The following LRP1B variants were observed in gnomAD, a reference collection of about 807,000 sequenced individuals.
LRP1B encodes the protein LDL receptor related protein 1B.
In LRP1B, 217 loss-of-function variants were observed where a neutral mutation model predicts 556.6. That is an observed-to-expected ratio of 0.39 (90% CI 0.35 to 0.44). The LOEUF (loss-of-function observed/expected upper bound fraction) is 0.44. Among genes scored for constraint, LRP1B ranks in the 20% least tolerant of loss-of-function variants. The pLI, the probability that LRP1B is intolerant of heterozygous loss-of-function variation, is 1.00. For synonymous variants in LRP1B, 2,047 were observed against 1,865.8 expected (o/e 1.10, Z -2.50); for missense variants, 5,053 against 5,620.8 (o/e 0.90, Z 3.23).
At chr2:140,717,293 T>G (rs1687247039) in intron 35 of LRP1B, among the ~76,000 whole-genome samples, 1 of 152,034 alleles carries the variant, frequency 6.6e-6, no homozygotes, top group African/African-American at 2.4e-5. Flanking sequence ...TAAGAGCATT[T>G]CAATTATATC....
chr2:140,900,520 T>G (rs771446600), intron 23 of LRP1B, among the ~76,000 whole-genome samples: 3 of 152,114 alleles, frequency 2.0e-5, no homozygotes, highest in Non-Finnish European at 2.9e-5. Flanking sequence ...ATTTTAATGG[T>G]CAGAAGAAAA....
At chr2:141,012,917 T>C (rs1488433275) in intron 14 of LRP1B, among the ~76,000 whole-genome samples, 2 of 151,914 alleles carry the variant, frequency 1.3e-5, no homozygotes, top group Non-Finnish European at 2.9e-5. Flanking sequence ...TACCACATAA[T>C]TTACTAAACT....
intron 43 of LRP1B, among the ~76,000 whole-genome samples, chr2:140,576,968 C>A (rs1039772789): frequency 3.3e-5 from 5 of 151,902 alleles, no homozygotes; most frequent in African/African-American, 7.3e-5. Flanking sequence ...TAAACTGATT[C>A]CTTTTTTTTC....
At chr2:141,657,583 T>TTC (rs1160181073) in intron 2 of LRP1B, among the ~76,000 whole-genome samples, 1 of 150,114 alleles carries the variant, frequency 6.7e-6, no homozygotes, top group Non-Finnish European at 1.5e-5. Context: ...AATTATACAT[T>TTC]TCTCTTTTTT....
At chr2:140,933,051 C>T (rs947893116) in intron 20 of LRP1B, among the ~76,000 whole-genome samples, 31 of 146,232 alleles carry the variant, frequency 2.1e-4, no homozygotes, top group African/African-American at 7.3e-4. Context: ...TGCTTTTAGG[C>T]ATCAAAGTTA....
chr2:140,586,533 G>A (rs1681993331), intron 43 of LRP1B: 1 of 152,328 alleles, frequency 6.6e-6, no homozygotes, highest in Non-Finnish European at 1.5e-5. Context: ...TCTCTGCTGA[G>A]GTGGTGTCAG....
intron 2 of LRP1B, among the ~76,000 whole-genome samples, chr2:141,604,897 TG>T (rs1166988932): frequency 6.6e-6 from 1 of 152,010 alleles, no homozygotes; most frequent in Non-Finnish European, 1.5e-5. Context: ...GACAAGAACT[TG>T]GGAACCCTGG....
At chr2:140,872,270 C>T (rs1693159279) in intron 25 of LRP1B, among the ~76,000 whole-genome samples, 1 of 149,626 alleles carries the variant, frequency 6.7e-6, no homozygotes, top group South Asian at 2.1e-4. Context: ...TCGGGGAAAA[C>T]CGTCTGTTTT....
intron 41 of LRP1B, among the ~76,000 whole-genome samples, chr2:140,679,758 TG>T (rs143559225): frequency 0.012 from 1,770 of 151,832 alleles, 31 homozygotes; most frequent in African/African-American, 0.041. Context: ...GGCTAGAATG[TG>T]GAATCAAACC....
chr2:141,003,759 T>G (rs902093835), intron 15 of LRP1B, among the ~76,000 whole-genome samples: 2 of 151,994 alleles, frequency 1.3e-5, no homozygotes, highest in Non-Finnish European at 1.5e-5. Context: ...CTAATGCAGA[T>G]AGTAATAGTA....
rs368579378 is a variant in LRP1B, at chr2:141,534,298, T to C, written c.206-53765A>G. ...TCATTTATGAGGGGCATTAGCTACATTGAAAATTATTTTAAAGCATATGGA... is the reference window on the plus strand; with the variant it reads ...TCATTTATGAGGGGCATTAGCTACACTGAAAATTATTTTAAAGCATATGGA... On this transcript the variant is annotated intron_variant, in intron 2 of 90. Transcript: ENST00000389484. Among the ~76,000 whole-genome samples the C allele has an allele frequency of 5.3e-5, 8 of 152,182 alleles. No homozygotes were observed. In the East Asian group the frequency reaches 7.7e-4, roughly 15 times the overall value.
chr2:141,516,029 C>T (rs1190638144), intron 2 of LRP1B, among the ~76,000 whole-genome samples: 1 of 152,142 alleles, frequency 6.6e-6, no homozygotes, highest in Non-Finnish European at 1.5e-5. Flanking sequence ...AGACAGAAGA[C>T]AATTCAGGGC....
rs776033501 is a variant in LRP1B at position 140,701,840 on chromosome 2, T to C, written c.6308A>G (p.His2103Arg). The change falls in exon 40 of 91, where the codon CAT (histidine) becomes CGT (arginine). Residue 2103 changes from histidine (H) to arginine (R), a missense_variant. This residue lies in a region of LRP1B where 3,619 missense variants were observed against 3,931.9 expected (regional missense o/e 0.92). Coordinates refer to ENST00000389484, the MANE Select transcript of LRP1B (RefSeq NM_018557.3). ...GCCCCTTCTGACAGACCCGTTTGCA[T>C]GTGCTCTGCCAAAAAGTTGAACATA... ...GAYIYWSDRA[H>R]ANGSVRRGHK... 1.2e-6 allele frequency: 2 copies of C among 1,612,910 alleles called. No individual in the cohort carries two copies. Among genetic ancestry groups the C allele is most frequent in the Non-Finnish European group, 8.5e-7 (1 of 1,179,284 alleles).
At chr2:140,376,594 CTTTTA>C (rs1232633964) in intron 68 of LRP1B, among the ~76,000 whole-genome samples, 8 of 151,940 alleles carry the variant, frequency 5.3e-5, no homozygotes, top group Non-Finnish European at 7.4e-5. Context: ...AATGTTTTGA[CTTTTA>C]TTTTGTGAAG....
intron 67 of LRP1B, among the ~76,000 whole-genome samples, chr2:140,380,217 T>C (rs1025993709): frequency 2.9e-4 from 44 of 152,092 alleles, no homozygotes; most frequent in African/African-American, 1.0e-3. Context: ...AGCTATTAAT[T>C]GAACTTGAAT....
intron 2 of LRP1B, among the ~76,000 whole-genome samples, chr2:141,630,484 G>T (rs1268103258): frequency 2.0e-5 from 3 of 152,138 alleles, no homozygotes; most frequent in Admixed American, 6.5e-5. Context: ...CTTTCATGAA[G>T]GTTTTTAAAA....
chr2:141,010,246 A>T (rs527996517), intron 14 of LRP1B, among the ~76,000 whole-genome samples: 1 of 152,072 alleles, frequency 6.6e-6, no homozygotes, highest in Non-Finnish European at 1.5e-5. Flanking sequence ...AATAAAAAGG[A>T]AAGTCTGTTA....
intron 2 of LRP1B, among the ~76,000 whole-genome samples, chr2:141,483,217 GTT>G (rs566001772): frequency 6.8e-6 from 1 of 148,080 alleles, no homozygotes; most frequent in African/African-American, 2.5e-5. Flanking sequence ...GCGGTGTTTG[GTT>G]TTTTGTCCTT....
In LRP1B at chr2:140,231,878, TTTAAAGATATTTGTATAAAAATGCTATCC is replaced by T. The variant is rs1263614746; in HGVS notation, c.*1279_*1307del. On this transcript the variant is annotated 3_prime_UTR_variant, in exon 91 of 91. Transcript: ENST00000389484. ...AACTTGTGAATAAATCTTTTGTGCC[TTTAAAGATATTTGTATAAAAATGCTATCC>T]TTTTATTTTTATATACAACTTAAAT... 1 of 151,826 alleles carries T rather than the reference TTTAAAGATATTTGTATAAAAATGCTATCC, an allele frequency of 6.6e-6. No individual in the cohort carries two copies. The highest frequency in any genetic ancestry group is 1.5e-5 in the Non-Finnish European group (1 of 67,592). 9.4% of individuals were successfully genotyped at this position (151,826 alleles called of 1,614,324 possible).
Sources: gnomAD v4.1 joint callset for allele counts (sites outside exome capture counted in the v4.1 genomes callset) on GRCh38, gnomAD v4.1.1 for gene constraint, gnomAD v4.1.1 regional missense constraint, MANE v1.5 for transcripts, NCBI Gene and HGNC (gene_info 2026-07-23, HGNC 2026-07-21) for gene names.